The following PRKAR1A variants were observed in gnomAD, a reference collection of about 807,000 sequenced individuals.
PRKAR1A encodes the protein protein kinase cAMP-dependent type I regulatory subunit alpha.
A neutral mutation model predicts 52.0 loss-of-function variants in PRKAR1A; 3 were observed. The observed-to-expected ratio is 0.06, with a 90% CI of 0.03 to 0.15. PRKAR1A has a LOEUF of 0.15. PRKAR1A is among the 10% of genes least tolerant of loss of function. PRKAR1A has a pLI of 1.00. For synonymous variants in PRKAR1A, 188 were observed against 168.4 expected, an observed-to-expected ratio of 1.12 and a Z score of -0.90; for missense variants, 240 against 477.4, an observed-to-expected ratio of 0.50 and a Z score of 4.63.
At chr17:68,512,285 G>A (rs1279339051), upstream of PRKAR1A, 1 of 153,360 alleles carries the variant, frequency 6.5e-6, no homozygotes, top group African/African-American at 2.4e-5. Flanking sequence ...CGACCGCAGA[G>A]TGAGGGTCCT....
chr17:68,495,688 A>C, the PRKAR1A span, among the ~76,000 whole-genome samples: 2 of 152,100 alleles, frequency 1.3e-5, no homozygotes, highest in Non-Finnish European at 2.9e-5. Flanking sequence ...TCTTCTACTT[A>C]TCTGTGTATT....
the PRKAR1A span, among the ~76,000 whole-genome samples, chr17:68,432,099 C>G: frequency 6.6e-6 from 1 of 152,080 alleles, no homozygotes; most frequent in Non-Finnish European, 1.5e-5. Flanking sequence ...GTAAAAAGAA[C>G]CTCAGGACAA....
At chr17:68,465,700 C>T in the PRKAR1A span, among the ~76,000 whole-genome samples, 1 of 139,090 alleles carries the variant, frequency 7.2e-6, no homozygotes, top group Non-Finnish European at 1.5e-5. Context: ...AACTCCTGAC[C>T]TCAGGTGATC....
intron 2 of PRKAR1A, among the ~76,000 whole-genome samples, chr17:68,519,685 C>T (rs2085543686): frequency 1.3e-5 from 2 of 148,880 alleles, no homozygotes; most frequent in Admixed American, 6.9e-5. Flanking sequence ...GTACCAAAAA[C>T]TCTTGACAGT....
chr17:68,473,535 T>C, the PRKAR1A span, among the ~76,000 whole-genome samples: 1 of 152,084 alleles, frequency 6.6e-6, no homozygotes, highest in East Asian at 1.9e-4. Flanking sequence ...ATTTATTTAT[T>C]TATTTGAGAC....
At chr17:68,549,960 C>T (rs1234092158) in intron 11 of PRKAR1A, among the ~76,000 whole-genome samples, 1 of 152,250 alleles carries the variant, frequency 6.6e-6, no homozygotes, top group African/African-American at 2.4e-5. Context: ...TCTCTATATT[C>T]AGTCCTGGCA....
chr17:68,535,787 G>A (rs1323311068), downstream of PRKAR1A: 1 of 453,938 alleles, frequency 2.2e-6, no homozygotes, highest in Non-Finnish European at 4.4e-6. Context: ...GGGATTACAG[G>A]TGTGAGCCCA....
At chr17:68,449,262 G>A in the PRKAR1A span, among the ~76,000 whole-genome samples, 1 of 152,164 alleles carries the variant, frequency 6.6e-6, no homozygotes, top group Admixed American at 6.5e-5. Context: ...AGATATTTAT[G>A]AGCACGTATC....
upstream of PRKAR1A, among the ~76,000 whole-genome samples, chr17:68,511,182 T>C (rs1315400691): frequency 6.6e-6 from 1 of 152,210 alleles, no homozygotes; most frequent in Non-Finnish European, 1.5e-5. Context: ...CACTTGCATA[T>C]GTGTGTATTT....
At chr17:68,434,196 T>A in the PRKAR1A span, among the ~76,000 whole-genome samples, 1 of 152,208 alleles carries the variant, frequency 6.6e-6, no homozygotes, top group East Asian at 1.9e-4. Flanking sequence ...GCTGCAAACC[T>A]ACATCCGATA....
chr17:68,437,874 G>C, the PRKAR1A span, among the ~76,000 whole-genome samples: 1 of 140,974 alleles, frequency 7.1e-6, no homozygotes, highest in African/African-American at 2.7e-5. Flanking sequence ...CATGATAGCA[G>C]TGAATTCCAG....
the PRKAR1A span, among the ~76,000 whole-genome samples, chr17:68,439,017 G>A: frequency 6.6e-6 from 1 of 152,188 alleles, no homozygotes; most frequent in African/African-American, 2.4e-5. Flanking sequence ...TGGAGAAACT[G>A]GGATCTTATG....
downstream of PRKAR1A, chr17:68,537,291 A>G (rs1384935235): frequency 1.3e-6 from 1 of 792,674 alleles, no homozygotes; most frequent in Non-Finnish European, 2.1e-6. This position sits in a 1 kb window ranked among gnomAD's most constrained non-coding sequence, Gnocchi z 4.2. Flanking sequence ...GCACGACAGA[A>G]GCGGTGCACC....
In PRKAR1A at chr17:68,524,976, C is replaced by G. The variant is rs375520447; in HGVS notation, c.549+18C>G. 1 of 1,587,744 alleles carries G rather than the reference C, an allele frequency of 6.3e-7. No individual in the cohort carries two copies. Among genetic ancestry groups the G allele is most frequent in the Non-Finnish European group, 8.6e-7 (1 of 1,156,634 alleles). ...AGACGGATGTAAGATTTACCAATAT[C>G]AAAAATATGTTGATCTTAAAAGCCA... On this transcript the variant is annotated intron_variant, in intron 6 of 10. Transcript: ENST00000589228.
At chr17:68,475,761 A>C in the PRKAR1A span, among the ~76,000 whole-genome samples, 1 of 152,186 alleles carries the variant, frequency 6.6e-6, no homozygotes, top group Non-Finnish European at 1.5e-5. Flanking sequence ...CGCCCAGCCC[A>C]TCCTAGCCAT....
At chr17:68,433,572 A>G in the PRKAR1A span, 27 of 1,613,794 alleles carry the variant, frequency 1.7e-5, no homozygotes, top group Non-Finnish European at 1.9e-5. Flanking sequence ...TGATTGTCAC[A>G]TACCTACAAG....
chr17:68,486,497 CCT>C, the PRKAR1A span, among the ~76,000 whole-genome samples: 10 of 42,460 alleles, frequency 2.4e-4, no homozygotes, highest in Non-Finnish European at 4.0e-4. Context: ...TTCCTTCCTT[CCT>C]TCCTTCCTTC....
chr17:68,513,557 A>G lies in PRKAR1A; in HGVS notation c.-7+1009A>G, dbSNP rs2085338150. ...TGAGTGTTTTGTTTTACATAGAGAC[A>G]ATGCAGCGAAAGTTTTAAAGCAGTT... On this transcript the variant is annotated intron_variant, in intron 1 of 10. Transcript: ENST00000589228. Among the ~76,000 whole-genome samples the G allele has an allele frequency of 3.9e-5, 6 of 152,234 alleles. 1 individual carries two copies. The South Asian group carries it at 1.2e-3, about 31-fold the overall frequency.
the PRKAR1A span, among the ~76,000 whole-genome samples, chr17:68,467,476 G>T: frequency 6.6e-6 from 1 of 152,076 alleles, no homozygotes; most frequent in Non-Finnish European, 1.5e-5. Context: ...CCATCCTTGT[G>T]GGTGTCATGA....
Sources: allele counts gnomAD v4.1 joint callset (sites outside exome capture counted in the v4.1 genomes callset), GRCh38; gene constraint gnomAD v4.1.1; non-coding constraint Gnocchi (gnomAD v3.1); transcripts MANE v1.5; gene names NCBI Gene and HGNC (gene_info 2026-07-23, HGNC 2026-07-21).